Variants in MAGI1 observed in about 807,000 individuals in gnomAD.
The protein encoded by MAGI1 is membrane-associated guanylate kinase, WW and PDZ domain-containing protein 1.
MAGI1 carries 58 observed loss-of-function variants against 139.9 expected under a neutral mutation model. The observed-to-expected ratio is 0.41, with a 90% CI of 0.34 to 0.52. The LOEUF (loss-of-function observed/expected upper bound fraction) is 0.52, where lower values mean the gene tolerates loss of function less well. MAGI1 is among the 20% of genes least tolerant of loss of function. The pLI is 0.12. For missense variants in MAGI1, 1,874 were observed against 1,901.6 expected, an observed-to-expected ratio of 0.99 and a Z score of 0.27; for synonymous variants, 812 against 737.9, an observed-to-expected ratio of 1.10 and a Z score of -1.63.
At chr3:65,485,571 C>T (rs894145117) in intron 3 of MAGI1, among the ~76,000 whole-genome samples, 3 of 152,146 alleles carry the variant, frequency 2.0e-5, no homozygotes. Flanking sequence ...ATCAACTCTG[C>T]CAGTCTCCAA....
intron 13 of MAGI1, 72 bp downstream of exon 13, chr3:65,401,367 T>C (rs1944875100): frequency 7.0e-7 from 1 of 1,429,966 alleles, no homozygotes; most frequent in Non-Finnish European, 9.6e-7. Flanking sequence ...CCACACAGAG[T>C]ACCCTCCCAC....
chr3:65,906,170 A>C (rs2061425599), intron 1 of MAGI1, among the ~76,000 whole-genome samples: 2 of 152,226 alleles, frequency 1.3e-5, no homozygotes, highest in African/African-American at 4.8e-5. Flanking sequence ...TAATAATAAA[A>C]AGAATATATT....
At chr3:65,764,482 A>G (rs115909641) in intron 1 of MAGI1, among the ~76,000 whole-genome samples, 2,286 of 152,332 alleles carry the variant, frequency 0.015, 53 homozygotes, top group African/African-American at 0.052. Flanking sequence ...AAGAACCAAC[A>G]TTTTAGAAGA....
intron 1 of MAGI1, among the ~76,000 whole-genome samples, chr3:65,956,458 A>C (rs1203214314): frequency 2.6e-5 from 4 of 152,188 alleles, no homozygotes; most frequent in Non-Finnish European, 1.5e-5. Context: ...TAAGGATTCA[A>C]ATGATCACCT....
chr3:65,778,176 T>C (rs1166444368), intron 1 of MAGI1, among the ~76,000 whole-genome samples: 2 of 152,148 alleles, frequency 1.3e-5, no homozygotes, highest in African/African-American at 2.4e-5. Flanking sequence ...ACGCCTGTAA[T>C]CCCAGCACTT....
intron 1 of MAGI1, among the ~76,000 whole-genome samples, chr3:65,777,115 C>T (rs1013549075): frequency 6.6e-6 from 1 of 152,252 alleles, no homozygotes; most frequent in South Asian, 2.1e-4. Context: ...ATGAACAAAA[C>T]GCAAACAGTG....
intron 1 of MAGI1, among the ~76,000 whole-genome samples, chr3:65,622,915 G>T (rs1372747630): frequency 6.6e-6 from 1 of 152,054 alleles, no homozygotes; most frequent in Non-Finnish European, 1.5e-5. Flanking sequence ...CAAAGACCTG[G>T]AAACAACCAA....
intron 2 of MAGI1, among the ~76,000 whole-genome samples, chr3:65,557,478 T>A (rs1441781419): frequency 2.0e-5 from 3 of 152,194 alleles, no homozygotes; most frequent in Non-Finnish European, 2.9e-5. Flanking sequence ...ACCACCCAGC[T>A]ATACCACCCC....
In MAGI1 at chr3:65,794,023, A is replaced by G. The variant is rs1447170657; in HGVS notation, c.314-171935T>C. Reference sequence around the variant, plus strand: ...CCTTCCTTTTTCCTCGGAGCAAGACAGCCACCATATCTGTGATTTATTGCG... The same window carrying G: ...CCTTCCTTTTTCCTCGGAGCAAGACGGCCACCATATCTGTGATTTATTGCG... On this transcript the variant is annotated intron_variant, in intron 1 of 22. Coordinates refer to ENST00000402939, the MANE Select transcript of MAGI1 (RefSeq NM_001033057.2). Among the ~76,000 whole-genome samples, 3 of 152,202 alleles carry G rather than the reference A, an allele frequency of 2.0e-5. No homozygotes were observed. In the East Asian group the frequency reaches 5.8e-4, roughly 29 times the overall value.
chr3:65,587,960 G>C (rs2106710834), intron 2 of MAGI1, among the ~76,000 whole-genome samples: 1 of 152,204 alleles, frequency 6.6e-6, no homozygotes, highest in Middle Eastern at 3.4e-3. Flanking sequence ...CCAGTGTTGG[G>C]ATCCATCTGG....
At chr3:65,724,970 G>A (rs542799651) in intron 1 of MAGI1, among the ~76,000 whole-genome samples, 1 of 152,174 alleles carries the variant, frequency 6.6e-6, no homozygotes, top group African/African-American at 2.4e-5. Context: ...TCTGGGTGGG[G>A]ATACAAAGCC....
At chr3:65,868,103 A>G (rs2059793352) in intron 1 of MAGI1, among the ~76,000 whole-genome samples, 1 of 152,136 alleles carries the variant, frequency 6.6e-6, no homozygotes, top group Admixed American at 6.5e-5. Context: ...TAGAGAAAGA[A>G]AGACGCTCCA....
At chr3:65,785,325 A>G (rs1343448528) in intron 1 of MAGI1, among the ~76,000 whole-genome samples, 1 of 152,154 alleles carries the variant, frequency 6.6e-6, no homozygotes, top group South Asian at 2.1e-4. Context: ...TACCAATTTG[A>G]TTTCATTCTT....
At chr3:65,659,911 G>A (rs2086098833) in intron 1 of MAGI1, among the ~76,000 whole-genome samples, 1 of 152,066 alleles carries the variant, frequency 6.6e-6, no homozygotes, top group Non-Finnish European at 1.5e-5. Context: ...CCAGAGTTTG[G>A]TTACAATCTC....
chr3:65,668,729 C>CT, intron 1 of MAGI1, among the ~76,000 whole-genome samples: 1 of 151,382 alleles, frequency 6.6e-6, no homozygotes, highest in South Asian at 2.1e-4. Flanking sequence ...AATTTTTGTA[C>CT]TTTTAGTAGA....
At chr3:65,427,140 C>A (rs1382561940) in intron 12 of MAGI1, among the ~76,000 whole-genome samples, 1 of 152,170 alleles carries the variant, frequency 6.6e-6, no homozygotes, top group East Asian at 1.9e-4. Flanking sequence ...ATGGAGAAAT[C>A]ATTTCTACTG....
intron 1 of MAGI1, among the ~76,000 whole-genome samples, chr3:65,745,446 C>T (rs2035620355): frequency 6.6e-6 from 1 of 152,180 alleles, no homozygotes; most frequent in Non-Finnish European, 1.5e-5. Flanking sequence ...GACAAAAATA[C>T]AGAGCGTATT....
At chr3:65,574,003 C>G (rs564155316) in intron 2 of MAGI1, among the ~76,000 whole-genome samples, 29 of 151,838 alleles carry the variant, frequency 1.9e-4, no homozygotes, top group African/African-American at 6.8e-4. Context: ...ACTATCTGGC[C>G]TTTTAAGAAA....
chr3:65,525,342 TCTC>T lies in MAGI1; in HGVS notation c.431-31714_431-31712del, dbSNP rs368739298. ...TCAGTAGGTTTTTCTTTTTCTCTCT[TCTC>T]CTTTACAGTATTTGTAGCCAAACAC... On this transcript the variant is annotated intron_variant, in intron 2 of 22. Transcript: ENST00000402939. 2.4e-4 allele frequency among the ~76,000 whole-genome samples: 36 copies of T among 152,276 alleles called. 1 individual carries two copies. In the East Asian group the frequency reaches 6.8e-3, roughly 29 times the overall value.
Sources: allele counts gnomAD v4.1 joint callset (sites outside exome capture counted in the v4.1 genomes callset), GRCh38; gene constraint gnomAD v4.1.1; transcripts MANE v1.5; gene names NCBI Gene and HGNC (gene_info 2026-07-23, HGNC 2026-07-21).